C16orf74: variants seen among roughly 807,000 people sequenced by gnomAD.
C16orf74 encodes calcimembrin.
C16orf74 carries 10 observed loss-of-function variants against 6.5 expected under a neutral mutation model. The observed-to-expected ratio is 1.54, with a 90% CI of 0.95 to 2.61. The LOEUF (loss-of-function observed/expected upper bound fraction) is 2.61. Ranked by LOEUF, C16orf74 falls within the 30% of genes most tolerant of loss-of-function variation. C16orf74 has a pLI of 0.00. For missense variants in C16orf74, 141 were observed against 105.9 expected (o/e 1.33, Z -1.45); for synonymous variants, 60 against 42.5 (o/e 1.41, Z -1.60).
chr16:85,729,684 C>A (rs1178042118), intron 2 of C16orf74, among the ~76,000 whole-genome samples: 2 of 152,148 alleles, frequency 1.3e-5, no homozygotes, highest in Non-Finnish European at 2.9e-5. Context: ...GGCGGAGGGG[C>A]TCTAAATCCA....
chr16:85,727,160 C>T (rs967863069), intron 2 of C16orf74, among the ~76,000 whole-genome samples: 2 of 152,246 alleles, frequency 1.3e-5, no homozygotes, highest in Non-Finnish European at 2.9e-5. Flanking sequence ...GGAACAATCT[C>T]TCACGCAATT....
intron 2 of C16orf74, among the ~76,000 whole-genome samples, chr16:85,726,891 G>C (rs2054139401): frequency 6.6e-6 from 1 of 152,132 alleles, no homozygotes; most frequent in East Asian, 1.9e-4. Context: ...ATGAGTTTCT[G>C]CTACCGGAAA....
At chr16:85,736,808 CTT>C (rs2054249707) in intron 1 of C16orf74, among the ~76,000 whole-genome samples, 2 of 152,182 alleles carry the variant, frequency 1.3e-5, no homozygotes, top group African/African-American at 4.8e-5. Flanking sequence ...AATCCTGACA[CTT>C]TGGGAGGCCG....
chr16:85,741,401 G>A (rs763878098), intron 1 of C16orf74, among the ~76,000 whole-genome samples: 1 of 152,158 alleles, frequency 6.6e-6, no homozygotes, highest in Non-Finnish European at 1.5e-5. Flanking sequence ...AGGAAGGCAG[G>A]GAGGGAAGGA....
At position 85,721,803 on chromosome 16, in the gene C16orf74, C is replaced by T. The variant is rs145803829; in HGVS notation, c.29-11496G>A. Among the ~76,000 whole-genome samples, 702 of 152,254 alleles carry T rather than the reference C, an allele frequency of 4.6e-3. 1 individual carries two copies. Among genetic ancestry groups the T allele is most frequent in the Non-Finnish European group, 8.0e-3 (541 of 68,000 alleles). On this transcript the variant is annotated intron_variant, in intron 2 of 3. Transcript: ENST00000284245. Reference sequence around the variant, plus strand: ...TGTGGTCCCAGTGCCTGGGGCTACACGGAGGGGCTCCAGGATGGCCCAAGC... The same window carrying T: ...TGTGGTCCCAGTGCCTGGGGCTACATGGAGGGGCTCCAGGATGGCCCAAGC...
intron 2 of C16orf74, among the ~76,000 whole-genome samples, chr16:85,725,594 CT>C: frequency 6.6e-6 from 1 of 152,236 alleles, no homozygotes; most frequent in Admixed American, 6.5e-5. Context: ...TGTATTTCTT[CT>C]TTTTTGAGAC....
At chr16:85,745,786 C>T (rs2054367174) in intron 1 of C16orf74, among the ~76,000 whole-genome samples, 1 of 150,756 alleles carries the variant, frequency 6.6e-6, no homozygotes, top group Non-Finnish European at 1.5e-5. Context: ...GCTGGAGGGA[C>T]CCTGCTTTCC....
intron 3 of C16orf74, among the ~76,000 whole-genome samples, chr16:85,708,706 C>T (rs974206176): frequency 6.6e-6 from 1 of 152,240 alleles, no homozygotes; most frequent in African/African-American, 2.4e-5. Context: ...CACCATGGCT[C>T]CACCCAGCAC....
At chr16:85,748,724 C>G (rs2054401811) in intron 1 of C16orf74, among the ~76,000 whole-genome samples, 1 of 152,154 alleles carries the variant, frequency 6.6e-6, no homozygotes, top group Non-Finnish European at 1.5e-5. Context: ...TCTTATCAGA[C>G]TTAAAGGGAC....
chr16:85,740,100 C>G (rs1053412144), intron 1 of C16orf74, among the ~76,000 whole-genome samples: 33 of 147,032 alleles, frequency 2.2e-4, no homozygotes, highest in African/African-American at 8.0e-4. Context: ...ATCCCAGCTA[C>G]TCGGGAGGCT....
chr16:85,728,062 C>T (rs1218308609), intron 2 of C16orf74, among the ~76,000 whole-genome samples: 2 of 151,900 alleles, frequency 1.3e-5, no homozygotes, highest in Non-Finnish European at 1.5e-5. Flanking sequence ...CACTTGAGCC[C>T]CAGAGATCAA....
At chr16:85,743,121 G>C (rs2054328618) in intron 1 of C16orf74, among the ~76,000 whole-genome samples, 2 of 152,186 alleles carry the variant, frequency 1.3e-5, no homozygotes, top group Non-Finnish European at 2.9e-5. Context: ...CTCCCTTTGA[G>C]ATCTGGGGCC....
At chr16:85,733,062 G>A (rs2054206995) in intron 2 of C16orf74, among the ~76,000 whole-genome samples, 1 of 152,198 alleles carries the variant, frequency 6.6e-6, no homozygotes, top group African/African-American at 2.4e-5. Flanking sequence ...GCCTTGGGCT[G>A]GAAGAAAAGT....
At chr16:85,736,049 C>T (rs1053494250) in intron 1 of C16orf74, among the ~76,000 whole-genome samples, 4 of 152,108 alleles carry the variant, frequency 2.6e-5, no homozygotes, top group Non-Finnish European at 5.9e-5. Context: ...AATCCCTAGG[C>T]TGGGGCCCCA....
At chr16:85,715,171 A>G (rs1187119098) in intron 2 of C16orf74, among the ~76,000 whole-genome samples, 1 of 151,824 alleles carries the variant, frequency 6.6e-6, no homozygotes, top group Non-Finnish European at 1.5e-5. Context: ...AAAAAAAAAA[A>G]AGAAGAGAAC....
intron 2 of C16orf74, among the ~76,000 whole-genome samples, chr16:85,716,620 G>C: frequency 6.7e-6 from 1 of 149,124 alleles, no homozygotes; most frequent in Non-Finnish European, 1.5e-5. Flanking sequence ...GCAGGAAGAG[G>C]AAGAGAGGAG....
chr16:85,742,028 G>A (rs1175029754), intron 1 of C16orf74, among the ~76,000 whole-genome samples: 1 of 152,190 alleles, frequency 6.6e-6, no homozygotes, highest in African/African-American at 2.4e-5. Context: ...CGTCCTCACA[G>A]TAATGGATGA....
chr16:85,713,378 A>G (rs1450455422), intron 2 of C16orf74, among the ~76,000 whole-genome samples: 1 of 151,804 alleles, frequency 6.6e-6, no homozygotes, highest in Non-Finnish European at 1.5e-5. Flanking sequence ...TTCAAACAAA[A>G]TCTCCTGTCT....
chr16:85,725,962 T>A (rs1446924943), intron 2 of C16orf74, among the ~76,000 whole-genome samples: 2 of 152,072 alleles, frequency 1.3e-5, no homozygotes, highest in African/African-American at 4.8e-5. Flanking sequence ...GGACCTCAGC[T>A]CCTCCAGCTC....
Sources: allele counts gnomAD v4.1 joint callset (sites outside exome capture counted in the v4.1 genomes callset), GRCh38; gene constraint gnomAD v4.1.1; transcripts MANE v1.5; gene names NCBI Gene and HGNC (gene_info 2026-07-23, HGNC 2026-07-21).